Variants in RELCH observed in about 807,000 individuals in gnomAD.
RELCH encodes the protein RAB11 binding and LisH domain, coiled-coil and HEAT repeat containing, also known as RAB11-binding protein RELCH.
Under a neutral mutation model 150.3 loss-of-function variants are expected in RELCH, and 41 were observed. That is an observed-to-expected ratio of 0.27 (90% CI 0.21 to 0.35). The LOEUF (loss-of-function observed/expected upper bound fraction) is 0.35. Ranked by LOEUF, RELCH falls within the 10% of genes least tolerant of loss-of-function variation. The pLI, the probability that RELCH is intolerant of heterozygous loss-of-function variation, is 1.00. For synonymous variants in RELCH, 478 were observed against 531.8 expected, an observed-to-expected ratio of 0.90 and a Z score of 1.39; for missense variants, 1,092 against 1,467.8, an observed-to-expected ratio of 0.74 and a Z score of 4.18.
chr18:62,241,512 T>C, intron 10 of RELCH, among the ~76,000 whole-genome samples: 1 of 152,198 alleles, frequency 6.6e-6, no homozygotes, highest in East Asian at 1.9e-4. Context: ...AGTTATTTTC[T>C]TACCATAGTT....
At chr18:62,219,325 CTTTTT>C (rs202196452) in intron 2 of RELCH, among the ~76,000 whole-genome samples, 8 of 112,878 alleles carry the variant, frequency 7.1e-5, no homozygotes. Flanking sequence ...TTCTTTTTTT[CTTTTT>C]TTTTTTTTTT....
chr18:62,187,605 G>T lies in RELCH; in HGVS notation c.100G>T (p.Glu34Ter), dbSNP rs760410893. The change falls in exon 1 of 29, where the codon GAA (glutamate) becomes TAA (stop). Residue 34 changes from glutamate to a stop codon, truncating the protein, a stop_gained. Coordinates refer to ENST00000644646, the MANE Select transcript of RELCH (RefSeq NM_001346231.2). LOFTEE classifies it high-confidence loss of function. ...CGATGACGAGGTAGCTGCAACAGAG[G>T]AACGGCGGGCAGTACTTCGGCTGGG... ...EDDDEVAATE[E>*]RRAVLRLGAG... The T allele has an allele frequency of 6.5e-7, 1 of 1,532,012 alleles. No individual in the cohort carries two copies. The highest frequency in any genetic ancestry group is 1.4e-5 in the African/African-American group (1 of 72,276). 94.9% of individuals were successfully genotyped at this position (1,532,012 alleles called of 1,614,324 possible).
At chr18:62,255,262 G>A in intron 12 of RELCH, 145 bp from the exon 13 acceptor site, 1 of 669,868 alleles carries the variant, frequency 1.5e-6, no homozygotes. Flanking sequence ...CCCGATCCAG[G>A]TATAGTCAAA....
intron 10 of RELCH, chr18:62,235,479 T>C (rs982393932): frequency 2.0e-5 from 3 of 152,218 alleles, no homozygotes; most frequent in African/African-American, 7.2e-5. Flanking sequence ...AGCCTTTCAC[T>C]TCTGCAAAAC....
At chr18:62,215,845 AT>A (rs1402358715) in intron 2 of RELCH, among the ~76,000 whole-genome samples, 2 of 152,134 alleles carry the variant, frequency 1.3e-5, no homozygotes, top group African/African-American at 4.8e-5. Context: ...TGGATAGCAT[AT>A]TCTTGTCTTT....
intron 10 of RELCH, among the ~76,000 whole-genome samples, chr18:62,242,502 T>A (rs1435119630): frequency 2.0e-5 from 3 of 152,182 alleles, no homozygotes; most frequent in Non-Finnish European, 4.4e-5. Context: ...CATTTGTGCA[T>A]TAATCTTAAT....
At chr18:62,242,868 C>T (rs761167464) in intron 10 of RELCH, among the ~76,000 whole-genome samples, 8 of 151,912 alleles carry the variant, frequency 5.3e-5, no homozygotes, top group East Asian at 3.9e-4. Context: ...GCAATTATAG[C>T]AGCTATCTTA....
At chr18:62,278,075 T>C (rs2044311401) in intron 22 of RELCH, 1 of 153,208 alleles carries the variant, frequency 6.5e-6, no homozygotes, top group African/African-American at 2.4e-5. Flanking sequence ...TGATATATTG[T>C]GTTAAAGTGT....
chr18:62,282,385 A>T lies in RELCH; in HGVS notation c.3194A>T (p.Glu1065Val), dbSNP rs2044562224. ...CAAGACCAACATTCTTTGCATACAG[A>T]GATCATAAAAACATTTGGTAGAGTT... ...QYQDQHSLHT[E>V]IIKTFGRVGP... Residue 1065 changes from glutamate to valine, a missense_variant, in exon 25 of 29, where the codon GAG (glutamate) becomes GTG (valine). Physicochemically the swap from Glu to Val is moderately radical, Grantham distance 121 (BLOSUM62 -2). This residue lies in a region of RELCH where 707 missense variants were observed against 1,025.4 expected (regional missense o/e 0.69). Coordinates refer to ENST00000644646, the MANE Select transcript of RELCH (RefSeq NM_001346231.2). 6.2e-7 allele frequency: 1 copy of T among 1,612,874 alleles called. No homozygotes were observed. Among genetic ancestry groups the T allele is most frequent in the Non-Finnish European group, 8.5e-7 (1 of 1,179,590 alleles).
At chr18:62,189,206 A>G (rs1342478378) in intron 1 of RELCH, among the ~76,000 whole-genome samples, 1 of 151,304 alleles carries the variant, frequency 6.6e-6, no homozygotes, top group Non-Finnish European at 1.5e-5. Flanking sequence ...TAAGACTATA[A>G]AATGAGACAG....
At chr18:62,297,366 G>C (rs982488878) in intron 27 of RELCH, among the ~76,000 whole-genome samples, 2 of 152,004 alleles carry the variant, frequency 1.3e-5, no homozygotes, top group African/African-American at 4.8e-5. Context: ...GTCATTAGTA[G>C]ACATCCCAAG....
chr18:62,264,373 T>C (rs1269206512), intron 17 of RELCH, among the ~76,000 whole-genome samples: 1 of 152,052 alleles, frequency 6.6e-6, no homozygotes, highest in African/African-American at 2.4e-5. Flanking sequence ...TGTCCAATCG[T>C]GGTGATGGAT....
chr18:62,305,718 A>G lies in RELCH; in HGVS notation c.*184A>G, dbSNP rs1398689681. The G allele has an allele frequency of 2.1e-6, 1 of 471,110 alleles. No homozygotes were observed. Among genetic ancestry groups the G allele is most frequent in the Non-Finnish European group, 3.4e-6 (1 of 296,766 alleles). 29.2% of individuals were successfully genotyped at this position (471,110 alleles called of 1,614,324 possible). The stretch of plus-strand genomic sequence containing the variant: ...CTGTATATTTGTTGATTTTGGAGTT[A>G]CAACTGTGGTGATAGAAAATTGAGT... On this transcript the variant is annotated 3_prime_UTR_variant, in exon 29 of 29. Transcript: ENST00000644646. The surrounding 1 kb of genome is among the most constrained non-coding windows in gnomAD (Gnocchi z 4.0).
chr18:62,296,596 A>G (rs1293997430), intron 27 of RELCH, among the ~76,000 whole-genome samples: 1 of 152,164 alleles, frequency 6.6e-6, no homozygotes, highest in Admixed American at 6.5e-5. Context: ...CAAAAAAAAA[A>G]AAGTTATGAT....
At chr18:62,195,509 T>C (rs1391607485) in intron 1 of RELCH, among the ~76,000 whole-genome samples, 1 of 152,090 alleles carries the variant, frequency 6.6e-6, no homozygotes, top group Non-Finnish European at 1.5e-5. Flanking sequence ...TTCTTATGAT[T>C]AGCCCAGTTC....
intron 23 of RELCH, chr18:62,280,366 C>T (rs748644416): frequency 6.2e-6 from 10 of 1,613,918 alleles, no homozygotes; most frequent in Non-Finnish European, 7.6e-6. Context: ...ACAGCTGACT[C>T]TTCGAGGCAT....
Position 62,291,581 on chromosome 18 carries a change from G to A in RELCH, c.3409G>A (p.Gly1137Ser), listed in dbSNP as rs777399308. Residue 1137 changes from glycine to serine, a missense_variant, in exon 27 of 29, where the codon GGT becomes AGT. Physicochemically the swap from Gly to Ser is moderately conservative, Grantham distance 56 (BLOSUM62 0). Coordinates refer to ENST00000644646, the MANE Select transcript of RELCH (RefSeq NM_001346231.2). ...EDLMVNHFLPGLRCLRTDMEH... is the reference protein window; with the variant it reads ...EDLMVNHFLPSLRCLRTDMEH... ...TTTAATGGTTAATCACTTTTTACCT[G>A]GTCTCAGATGTTTACGGACTGACAT... 3 of 1,610,094 alleles carry A rather than the reference G, an allele frequency of 1.9e-6. No homozygotes were observed. In the South Asian group the frequency reaches 3.3e-5, roughly 18 times the overall value.
chr18:62,204,823 T>G (rs1187168093), intron 1 of RELCH, among the ~76,000 whole-genome samples: 2 of 152,206 alleles, frequency 1.3e-5, no homozygotes, highest in Non-Finnish European at 2.9e-5. Flanking sequence ...TTGGTTCAAT[T>G]TCAAACAGAG....
chr18:62,287,541 G>A, intron 26 of RELCH, 74 bp downstream of exon 26: 1 of 800,358 alleles, frequency 1.2e-6, no homozygotes, highest in Non-Finnish European at 2.1e-6. Flanking sequence ...GGTAAAGATT[G>A]AAAAGTAGAA....
Sources: allele counts gnomAD v4.1 joint callset (sites outside exome capture counted in the v4.1 genomes callset), GRCh38; gene constraint gnomAD v4.1.1; regional missense constraint gnomAD v4.1.1; non-coding constraint Gnocchi (gnomAD v3.1); transcripts MANE v1.5; gene names NCBI Gene and HGNC (gene_info 2026-07-23, HGNC 2026-07-21).